OAT: variants seen among roughly 807,000 people sequenced by gnomAD.
OAT encodes ornithine aminotransferase.
In OAT, 35 loss-of-function variants were observed where a neutral mutation model predicts 48.4. That is an observed-to-expected ratio of 0.72 (90% CI 0.55 to 0.96). OAT has a LOEUF of 0.96. OAT is among the 40% of genes least tolerant of loss of function. The pLI, the probability that OAT is intolerant of heterozygous loss-of-function variation, is 0.00. For synonymous variants in OAT, 182 were observed against 198.4 expected, an observed-to-expected ratio of 0.92 and a Z score of 0.70; for missense variants, 438 against 537.9, an observed-to-expected ratio of 0.81 and a Z score of 1.84.
intron 1 of OAT, among the ~76,000 whole-genome samples, chr10:124,412,703 G>A (rs1258356852): frequency 1.3e-5 from 2 of 152,098 alleles, no homozygotes; most frequent in African/African-American, 2.4e-5. Context: ...CAGCTGCTCA[G>A]GAGGCTGAGG....
chr10:124,414,796 C>T (rs12252700), intron 1 of OAT, among the ~76,000 whole-genome samples: 1 of 152,036 alleles, frequency 6.6e-6, no homozygotes, highest in African/African-American at 2.4e-5. Context: ...TAACAACTTT[C>T]TAGGGCCAGG....
rs1427092729 is a variant in OAT, at chr10:124,399,335, A to ATTTTTTT, written c.1160-1234_1160-1233insAAAAAAA. On this transcript the variant is annotated intron_variant, in intron 9 of 9. Coordinates refer to ENST00000368845, the MANE Select transcript of OAT (RefSeq NM_000274.4). The stretch of plus-strand genomic sequence containing the variant: ...ATTTTTTTAAGAAGCTCCCCAGGTG[A>ATTTTTTT]TTCTTTTTTTTTTTTTTTTTTTTTT... Among the ~76,000 whole-genome samples, 8 of 100,376 alleles carry ATTTTTTT rather than the reference A, an allele frequency of 8.0e-5. 2 individuals are homozygous for ATTTTTTT. The highest frequency in any genetic ancestry group is 1.8e-4 in the African/African-American group (5 of 27,762). The allele number at this position is 100,376 out of a possible 152,430, so 65.9% of individuals were successfully genotyped here.
intron 4 of OAT, among the ~76,000 whole-genome samples, chr10:124,406,438 C>T (rs1371941558): frequency 6.6e-6 from 1 of 152,052 alleles, no homozygotes; most frequent in African/African-American, 2.4e-5. Flanking sequence ...TTGCTGTGAG[C>T]TGAGATCGCA....
Position 124,415,074 on chromosome 10 carries a change from T to TGTGTCGCTAAAAAA in OAT, c.-29-2875_-29-2874insTTTTTTAGCGACAC, listed in dbSNP as rs1564742697. 7 of 16,858 alleles carry TGTGTCGCTAAAAAA rather than the reference T, an allele frequency of 4.2e-4. 3 individuals are homozygous for TGTGTCGCTAAAAAA. The highest frequency in any genetic ancestry group is 3.8e-3 in the East Asian group (2 of 530). 1.0% of individuals were successfully genotyped at this position (16,858 alleles called of 1,614,324 possible). On this transcript the variant is annotated intron_variant, in intron 1 of 9. Transcript: ENST00000368845. The stretch of plus-strand genomic sequence containing the variant: ...CACTCCAGCCTGGGCTACAAAGCGC[T>TGTGTCGCTAAAAAA]AAAAAAAAAAAAAAAAAAAAAAAAA...
intron 1 of OAT, among the ~76,000 whole-genome samples, chr10:124,417,163 T>C (rs1017340073): frequency 6.6e-6 from 1 of 151,746 alleles, no homozygotes; most frequent in Non-Finnish European, 1.5e-5. Context: ...ACAGCTGCTT[T>C]GAGGGAAAAA....
intron 1 of OAT, among the ~76,000 whole-genome samples, chr10:124,417,387 C>A (rs1422818980): frequency 6.8e-6 from 1 of 147,932 alleles, no homozygotes; most frequent in Non-Finnish European, 1.5e-5. Context: ...CGGGTTCAAG[C>A]AATTCTCCTG....
chr10:124,407,124 CA>C, intron 4 of OAT: 1 of 985,470 alleles, frequency 1.0e-6, no homozygotes, highest in Non-Finnish European at 1.2e-6. Context: ...CTTTCACCAG[CA>C]TCCCTTACCC....
intron 2 of OAT, 119 bp downstream of exon 2, chr10:124,411,854 T>G (rs1473222641): frequency 1.1e-5 from 9 of 814,910 alleles, no homozygotes; most frequent in Non-Finnish European, 1.6e-5. Context: ...GAATTAACCA[T>G]GTCTGCAATA....
At chr10:124,400,446 T>TA (rs56370450) in intron 9 of OAT, among the ~76,000 whole-genome samples, 1,972 of 103,788 alleles carry the variant, frequency 0.019, 50 homozygotes, top group African/African-American at 0.06. Context: ...GACTCCATCT[T>TA]AAAAAAAAAA....
At chr10:124,403,098 T>G (rs1435671253) in intron 6 of OAT, 43 bp from the exon 7 acceptor site, 1 of 1,610,912 alleles carries the variant, frequency 6.2e-7, no homozygotes, top group Non-Finnish European at 8.5e-7. Flanking sequence ...TCACTTTCGT[T>G]TCCACAGGGA....
intron 1 of OAT, among the ~76,000 whole-genome samples, chr10:124,413,282 A>C (rs1951812914): frequency 7.3e-6 from 1 of 137,662 alleles, no homozygotes; most frequent in African/African-American, 3.0e-5. Flanking sequence ...ACACACACAC[A>C]CACACACACA....
chr10:124,412,764 T>TG (rs1433594602), intron 1 of OAT, among the ~76,000 whole-genome samples: 1 of 151,956 alleles, frequency 6.6e-6, no homozygotes, highest in African/African-American at 2.4e-5. Flanking sequence ...GGCAACAGAG[T>TG]GATACCCTGT....
rs1487312881 is a variant in OAT, at chr10:124,405,360, G to A, written c.648+76C>T. On this transcript the variant is annotated intron_variant, in intron 5 of 9. Transcript: ENST00000368845. ...TAAATTTGCATTACTGTCATATAAT[G>A]TACTTTTAATTCATATATTCAACAG... The A allele has an allele frequency of 8.1e-6, 13 of 1,595,980 alleles. No homozygotes were observed. In the Admixed American group the frequency reaches 2.0e-4, roughly 25 times the overall value.
intron 1 of OAT, among the ~76,000 whole-genome samples, 191 bp downstream of exon 1, chr10:124,418,682 G>A (rs774296380): frequency 7.1e-6 from 1 of 141,642 alleles, no homozygotes; most frequent in Non-Finnish European, 1.5e-5. Flanking sequence ...CCGGGTCCGA[G>A]CCGCCCGCAG....
At chr10:124,417,808 A>T (rs1318292254) in intron 1 of OAT, among the ~76,000 whole-genome samples, 1 of 152,244 alleles carries the variant, frequency 6.6e-6, no homozygotes, top group Non-Finnish European at 1.5e-5. Context: ...ACTGAACATT[A>T]GTCATTTCTT....
At chr10:124,404,277 T>C (rs556678124) in intron 5 of OAT, among the ~76,000 whole-genome samples, 1 of 151,654 alleles carries the variant, frequency 6.6e-6, no homozygotes, top group African/African-American at 2.4e-5. Flanking sequence ...TTTCATTTTT[T>C]TTTTTTTGGA....
intron 1 of OAT, among the ~76,000 whole-genome samples, chr10:124,418,001 G>T (rs1166086839): frequency 1.3e-5 from 2 of 152,210 alleles, no homozygotes; most frequent in African/African-American, 4.8e-5. Flanking sequence ...GCAAAGGGCG[G>T]ACAATGACCC....
intron 5 of OAT, among the ~76,000 whole-genome samples, chr10:124,405,029 G>A (rs1033563773): frequency 5.9e-5 from 9 of 152,182 alleles, no homozygotes; most frequent in Non-Finnish European, 1.3e-4. Context: ...AGGTGACAGA[G>A]TGAGACTCTG....
In OAT at chr10:124,415,074, T is replaced by TAA. The variant is rs75952005; in HGVS notation, c.-29-2876_-29-2875dup. On this transcript the variant is annotated intron_variant, in intron 1 of 9. Transcript: ENST00000368845. ...CACTCCAGCCTGGGCTACAAAGCGC[T>TAA]AAAAAAAAAAAAAAAAAAAAAAAAA... The TAA allele has an allele frequency of 1.4e-3, 23 of 16,856 alleles. 2 individuals are homozygous for TAA. The highest frequency in any genetic ancestry group is 2.7e-3 in the Admixed American group (3 of 1,100). The allele number at this position is 16,856 out of a possible 1,614,324, so 1.0% of individuals were successfully genotyped here. A position where few individuals can be genotyped will look rare whatever the true frequency, so the allele number is the denominator to read the frequency against.
Sources: allele counts gnomAD v4.1 joint callset (sites outside exome capture counted in the v4.1 genomes callset), GRCh38; gene constraint gnomAD v4.1.1; transcripts MANE v1.5; gene names NCBI Gene and HGNC (gene_info 2026-07-23, HGNC 2026-07-21).